Variants in GRID2 observed in about 807,000 individuals in gnomAD.
GRID2 encodes glutamate receptor ionotropic, delta-2.
Under a neutral mutation model 114.8 loss-of-function variants are expected in GRID2, and 33 were observed. The observed-to-expected ratio is 0.29, with a 90% CI of 0.22 to 0.38. The LOEUF is 0.38. GRID2 is among the 10% of genes least tolerant of loss of function. GRID2 has a pLI of 1.00. For missense variants in GRID2, 1,184 were observed against 1,257.7 expected (o/e 0.94, Z 0.89); for synonymous variants, 505 against 449.9 (o/e 1.12, Z -1.55).
intron 1 of GRID2, among the ~76,000 whole-genome samples, chr4:92,403,012 A>G (rs899875797): frequency 4.6e-5 from 7 of 152,118 alleles, no homozygotes; most frequent in African/African-American, 1.7e-4. Context: ...TTGCTGCTTC[A>G]TCTTGTAGTT....
Position 93,692,353 on chromosome 4 carries a change from C to G in GRID2, c.2360+65918C>G, listed in dbSNP as rs141300479. 5.3e-5 allele frequency among the ~76,000 whole-genome samples: 8 copies of G among 152,138 alleles called. No individual in the cohort carries two copies. In the East Asian group the frequency reaches 1.5e-3, roughly 29 times the overall value. On this transcript the variant is annotated intron_variant, in intron 14 of 15. Coordinates refer to ENST00000282020, the MANE Select transcript of GRID2 (RefSeq NM_001510.4). ...AGAGCAAACAGCAAGTGCAAAAGTA[C>G]TGAGGTGGGGACATGCCTGGAAAAG...
chr4:93,116,387 T>A (rs1315435784), intron 4 of GRID2, among the ~76,000 whole-genome samples: 2 of 152,172 alleles, frequency 1.3e-5, no homozygotes, highest in Admixed American at 6.5e-5. Flanking sequence ...GTAATTTGCT[T>A]ATGTTTTATC....
At chr4:93,551,320 A>T (rs1189228629) in intron 13 of GRID2, among the ~76,000 whole-genome samples, 1 of 152,184 alleles carries the variant, frequency 6.6e-6, no homozygotes, top group African/African-American at 2.4e-5. Flanking sequence ...TTAGATATGT[A>T]GGTGTAAGAA....
At chr4:92,739,034 GA>G in intron 2 of GRID2, among the ~76,000 whole-genome samples, 2 of 152,184 alleles carry the variant, frequency 1.3e-5, no homozygotes, top group East Asian at 3.9e-4. Flanking sequence ...AGAAAAACAG[GA>G]AAACAGATAT....
intron 4 of GRID2, among the ~76,000 whole-genome samples, chr4:93,116,793 G>A (rs146148513): frequency 2.0e-5 from 3 of 151,904 alleles, no homozygotes; most frequent in Admixed American, 6.6e-5. Flanking sequence ...TGTTAGATAA[G>A]CTGTGTAGAG....
At chr4:92,868,018 TTC>T (rs1578346820) in intron 2 of GRID2, among the ~76,000 whole-genome samples, 2 of 35,330 alleles carry the variant, frequency 5.7e-5, no homozygotes, top group South Asian at 2.2e-3. Context: ...CTGAAAGGTT[TTC>T]TTTCTTTCTT....
chr4:92,722,564 T>C (rs144489229), intron 2 of GRID2, among the ~76,000 whole-genome samples: 142 of 152,114 alleles, frequency 9.3e-4, no homozygotes, highest in Middle Eastern at 3.4e-3. Flanking sequence ...AAAGAAGATA[T>C]TAACTAAGTG....
intron 2 of GRID2, among the ~76,000 whole-genome samples, chr4:92,649,720 A>G (rs1357017822): frequency 2.0e-5 from 3 of 151,982 alleles, no homozygotes; most frequent in Admixed American, 1.3e-4. Context: ...TTATACAACT[A>G]TCCTGCCTGC....
At chr4:92,863,548 C>T (rs1744668400) in intron 2 of GRID2, among the ~76,000 whole-genome samples, 1 of 152,064 alleles carries the variant, frequency 6.6e-6, no homozygotes, top group Non-Finnish European at 1.5e-5. Context: ...ACTCTGCAGC[C>T]CTCATTCCAA....
In GRID2 at chr4:92,590,163, G is replaced by T. The variant is rs1728640535; in HGVS notation, c.121G>T (p.Asp41Tyr). The T allele has an allele frequency of 6.2e-7, 1 of 1,612,296 alleles. No homozygotes were observed. The highest frequency in any genetic ancestry group is 8.5e-7 in the Non-Finnish European group (1 of 1,178,496). ...TTTTGATGAATCTGCCAAAAAGGAT[G>T]ATGAGGTATTTCGCACTGCGGTTGG... is the stretch of plus-strand genomic sequence containing the variant. ...AIFDESAKKD[D>Y]EVFRTAVGDL... Residue 41 changes from aspartate (D) to tyrosine (Y), a missense_variant, in exon 2 of 16, where the codon GAT (aspartate) becomes TAT (tyrosine). This residue lies in a region of GRID2 where 455 missense variants were observed against 429.5 expected (regional missense o/e 1.06). Coordinates refer to ENST00000282020, the MANE Select transcript of GRID2 (RefSeq NM_001510.4).
At chr4:93,236,403 T>C (rs1746804024) in intron 7 of GRID2, among the ~76,000 whole-genome samples, 1 of 152,048 alleles carries the variant, frequency 6.6e-6, no homozygotes, top group African/African-American at 2.4e-5. Flanking sequence ...GAAGGTTTCA[T>C]AGGTTTATTT....
At chr4:93,165,726 A>G (rs1738187173) in intron 4 of GRID2, among the ~76,000 whole-genome samples, 1 of 152,120 alleles carries the variant, frequency 6.6e-6, no homozygotes, top group Non-Finnish European at 1.5e-5. Context: ...GCAACTTAAC[A>G]TAAATGAACA....
At position 92,664,320 on chromosome 4, in the gene GRID2, T is replaced by G. The variant is rs147606581; in HGVS notation, c.244+74034T>G. On this transcript the variant is annotated intron_variant, in intron 2 of 15. Transcript: ENST00000282020. The stretch of plus-strand genomic sequence containing the variant: ...GATTCTATTTTCTAGTTTCCCTTAT[T>G]TCTCTTTCGATCAATTGGTTGTGTA... Among the ~76,000 whole-genome samples, 6 of 151,304 alleles carry G rather than the reference T, an allele frequency of 4.0e-5. No individual in the cohort carries two copies. In the East Asian group the frequency reaches 1.2e-3, roughly 29 times the overall value.
chr4:92,386,595 A>G (rs753360156), intron 1 of GRID2, among the ~76,000 whole-genome samples: 10 of 151,836 alleles, frequency 6.6e-5, no homozygotes, highest in Non-Finnish European at 1.5e-4. Flanking sequence ...AAAATATGAA[A>G]AAGCAGAATA....
intron 2 of GRID2, among the ~76,000 whole-genome samples, chr4:92,965,027 T>C (rs903683573): frequency 6.6e-6 from 1 of 152,016 alleles, no homozygotes; most frequent in Non-Finnish European, 1.5e-5. Context: ...GTGTTCCTCA[T>C]CAAGCCTAAT....
chr4:92,725,475 A>G (rs1268778393), intron 2 of GRID2, among the ~76,000 whole-genome samples: 3 of 152,164 alleles, frequency 2.0e-5, no homozygotes, highest in Non-Finnish European at 4.4e-5. Flanking sequence ...ATATCTAGGT[A>G]TCTACTTGAA....
At position 93,028,596 on chromosome 4, in the gene GRID2, A is replaced by G. The variant is rs761310747; in HGVS notation, c.245-56399A>G. ...TCTAATTTGGAATCTTTTTTTTTAT[A>G]TATACGTACGACATTTTGATATGTG... On this transcript the variant is annotated intron_variant, in intron 2 of 15. Transcript: ENST00000282020. 2.6e-5 allele frequency among the ~76,000 whole-genome samples: 4 copies of G among 152,012 alleles called. No individual in the cohort carries two copies. In the East Asian group the frequency reaches 5.8e-4, roughly 22 times the overall value.
At chr4:93,173,897 A>C (rs1739091802) in intron 4 of GRID2, among the ~76,000 whole-genome samples, 1 of 152,162 alleles carries the variant, frequency 6.6e-6, no homozygotes, top group Non-Finnish European at 1.5e-5. Context: ...CGCTGGGATT[A>C]CAAGTGTTGA....
intron 1 of GRID2, among the ~76,000 whole-genome samples, chr4:92,492,019 A>T (rs1723167687): frequency 6.6e-6 from 1 of 152,194 alleles, no homozygotes; most frequent in South Asian, 2.1e-4. Context: ...ACATCAGTCT[A>T]TTCCCAGAAT....
Sources: allele counts gnomAD v4.1 joint callset (sites outside exome capture counted in the v4.1 genomes callset), GRCh38; gene constraint gnomAD v4.1.1; regional missense constraint gnomAD v4.1.1; transcripts MANE v1.5; gene names NCBI Gene and HGNC (gene_info 2026-07-23, HGNC 2026-07-21).